The following GSTA4 variants were observed in gnomAD, a reference collection of about 807,000 sequenced individuals.
GSTA4 encodes the protein glutathione S-transferase alpha 4.
GSTA4 carries 15 observed loss-of-function variants against 24.4 expected under a neutral mutation model. That is an observed-to-expected ratio of 0.61 (90% CI 0.41 to 0.95). The LOEUF (loss-of-function observed/expected upper bound fraction) is 0.95, where lower values mean the gene tolerates loss of function less well. Among genes scored for constraint, GSTA4 ranks in the 40% least tolerant of loss-of-function variants. The pLI is 0.00. For missense variants in GSTA4, 244 were observed against 262.1 expected, an observed-to-expected ratio of 0.93 and a Z score of 0.48; for synonymous variants, 92 against 94.2, an observed-to-expected ratio of 0.98 and a Z score of 0.13.
intron 2 of GSTA4, among the ~76,000 whole-genome samples, chr6:52,989,631 C>T (rs564910337): frequency 1.3e-5 from 2 of 152,230 alleles, no homozygotes; most frequent in South Asian, 4.1e-4. Context: ...AGGAAAGGAG[C>T]CTCAATGCTC....
At chr6:52,980,307 C>CTTT (rs1211162236) in intron 6 of GSTA4, among the ~76,000 whole-genome samples, 2 of 85,170 alleles carry the variant, frequency 2.3e-5, no homozygotes, top group Non-Finnish European at 5.3e-5. Flanking sequence ...AAAGATTTCA[C>CTTT]TTTGTTTTTT....
chr6:52,994,069 G>A, intron 2 of GSTA4, 88 bp downstream of exon 2: 1 of 889,822 alleles, frequency 1.1e-6, no homozygotes, highest in Non-Finnish European at 1.9e-6. Flanking sequence ...ACGAGAACTA[G>A]AACTGAACGG....
At chr6:52,987,301 A>G in intron 3 of GSTA4, 56 bp downstream of exon 3, 1 of 1,085,098 alleles carries the variant, frequency 9.2e-7, no homozygotes, top group Non-Finnish European at 1.4e-6. Flanking sequence ...CCACATAAAC[A>G]GCAGCTCTTA....
At chr6:52,981,675 G>T (rs1581907993) in intron 6 of GSTA4, among the ~76,000 whole-genome samples, 1 of 152,158 alleles carries the variant, frequency 6.6e-6, no homozygotes, top group African/African-American at 2.4e-5. Context: ...GTTTGGCCCA[G>T]GAGTTACAGT....
At chr6:52,981,444 C>A (rs1161948985) in intron 6 of GSTA4, among the ~76,000 whole-genome samples, 2 of 152,132 alleles carry the variant, frequency 1.3e-5, no homozygotes, top group Admixed American at 1.3e-4. Context: ...TGGTCTCTAT[C>A]AGATCTACTC....
At chr6:52,984,007 A>G (rs555177154) in intron 5 of GSTA4, among the ~76,000 whole-genome samples, 1 of 152,342 alleles carries the variant, frequency 6.6e-6, no homozygotes, top group South Asian at 2.1e-4. Flanking sequence ...AAAAACAACA[A>G]AACCAAAAAC....
chr6:52,982,747 G>A, intron 5 of GSTA4, 42 bp from the exon 6 acceptor site: 1 of 1,526,476 alleles, frequency 6.6e-7, no homozygotes. Flanking sequence ...ATTCCACATG[G>A]AGAGAGTGAT....
At position 52,978,422 on chromosome 6, in the gene GSTA4, A is replaced by G; in HGVS notation, c.*48T>C. 3 of 1,593,710 alleles carry G rather than the reference A, an allele frequency of 1.9e-6. No homozygotes were observed. The South Asian group carries it at 3.3e-5, about 18-fold the overall frequency. On this transcript the variant is annotated 3_prime_UTR_variant, in exon 7 of 7. Transcript: ENST00000370963. ...GATCCATTAAGACATGACTGTAGAC[A>G]ATACCATCTCTAGGAACACACTGTC...
At chr6:52,990,130 CG>C (rs1330516089) in intron 2 of GSTA4, among the ~76,000 whole-genome samples, 1 of 152,102 alleles carries the variant, frequency 6.6e-6, no homozygotes, top group Non-Finnish European at 1.5e-5. Flanking sequence ...AAGGGGTCTT[CG>C]GGCAAGTAAA....
Position 52,985,346 on chromosome 6 carries a change from T to C in GSTA4, c.272+105A>G, listed in dbSNP as rs559904914. ...TTGGGTTTTTGTTCCCTGATCTCACTAACTATGTAAGACATAAAGTAAATG... is the reference window on the plus strand; with the variant it reads ...TTGGGTTTTTGTTCCCTGATCTCACCAACTATGTAAGACATAAAGTAAATG... On this transcript the variant is annotated intron_variant, in intron 4 of 6. Transcript: ENST00000370963. The C allele has an allele frequency of 1.1e-5, 12 of 1,083,386 alleles. No homozygotes were observed. The South Asian group carries it at 2.2e-4, about 20-fold the overall frequency. 67.1% of individuals were successfully genotyped at this position (1,083,386 alleles called of 1,614,324 possible).
chr6:52,983,725 G>A (rs922133785), intron 5 of GSTA4, among the ~76,000 whole-genome samples: 6 of 152,212 alleles, frequency 3.9e-5, no homozygotes, highest in Non-Finnish European at 5.9e-5. Flanking sequence ...CTCTGTGCCC[G>A]TTCCAGACCA....
intron 6 of GSTA4, among the ~76,000 whole-genome samples, chr6:52,979,192 G>A (rs921255983): frequency 1.3e-5 from 2 of 152,274 alleles, no homozygotes; most frequent in South Asian, 2.1e-4. Flanking sequence ...TGGGAGTGGG[G>A]AAGGAACAAA....
Position 52,986,759 on chromosome 6 carries a change from G to C in GSTA4, c.139+598C>G, listed in dbSNP as rs1320427325. ...CCGGTACCACACAGGGGAGCCTCCA[G>C]CTGGGCCTGAGGACCCTGCTGTTGG... On this transcript the variant is annotated intron_variant, in intron 3 of 6. Coordinates refer to ENST00000370963, the MANE Select transcript of GSTA4 (RefSeq NM_001512.4). Among the ~76,000 whole-genome samples the C allele has an allele frequency of 3.9e-5, 6 of 152,188 alleles. No homozygotes were observed. In the South Asian group the frequency reaches 1.0e-3, roughly 26 times the overall value.
chr6:52,985,548 C>T lies in GSTA4; in HGVS notation c.175G>A (p.Glu59Lys). 1 of 1,614,060 alleles carries T rather than the reference C, an allele frequency of 6.2e-7. No homozygotes were observed. Among genetic ancestry groups the T allele is most frequent in the Non-Finnish European group, 8.5e-7 (1 of 1,179,892 alleles). The change falls in exon 4 of 7, where the codon GAA (glutamate) becomes AAA (lysine). Residue 59 changes from glutamate (E) to lysine (K), a missense_variant. Glu to Lys is a moderately conservative substitution (Grantham distance 56, BLOSUM62 1). Coordinates refer to ENST00000370963, the MANE Select transcript of GSTA4 (RefSeq NM_001512.4). ...HLLFQQVPMV[E>K]IDGMKLVQTR... is the part of the protein sequence containing the mutation. ...TGTACCAACTTCATCCCGTCAATTT[C>T]AACCATGGGCACTTGTTGGAACAGC... is the stretch of plus-strand genomic sequence containing the variant.
At chr6:52,980,123 T>A (rs1355619233) in intron 6 of GSTA4, among the ~76,000 whole-genome samples, 1 of 152,190 alleles carries the variant, frequency 6.6e-6, no homozygotes, top group Non-Finnish European at 1.5e-5. Context: ...TATTATAGTA[T>A]CATCAATGTA....
chr6:52,980,696 A>G (rs549357529), intron 6 of GSTA4, among the ~76,000 whole-genome samples: 2 of 152,270 alleles, frequency 1.3e-5, no homozygotes, highest in South Asian at 4.1e-4. Flanking sequence ...GTACTTCTAA[A>G]TGTGTTTCTC....
At chr6:52,986,091 C>T (rs1763551254) in intron 3 of GSTA4, among the ~76,000 whole-genome samples, 1 of 152,048 alleles carries the variant, frequency 6.6e-6, no homozygotes, top group South Asian at 2.1e-4. Context: ...ATAAACGTTC[C>T]CTTTTCATTT....
At chr6:52,986,820 A>C (rs1763570685) in intron 3 of GSTA4, among the ~76,000 whole-genome samples, 1 of 152,188 alleles carries the variant, frequency 6.6e-6, no homozygotes, top group Non-Finnish European at 1.5e-5. Context: ...TGATGGGCGC[A>C]TTCTTTATGG....
At chr6:52,994,404 C>G (rs1763725904) in intron 1 of GSTA4, 143 bp from the exon 2 acceptor site, 1 of 530,656 alleles carries the variant, frequency 1.9e-6, no homozygotes, top group Non-Finnish European at 3.4e-6. Flanking sequence ...TTCCCTCACT[C>G]AAGAAAAAAA....
Sources: gnomAD v4.1 joint callset for allele counts (sites outside exome capture counted in the v4.1 genomes callset) on GRCh38, gnomAD v4.1.1 for gene constraint, MANE v1.5 for transcripts, NCBI Gene and HGNC (gene_info 2026-07-23, HGNC 2026-07-21) for gene names.